Variants in MCTP2 observed in about 807,000 individuals in gnomAD.
The protein encoded by MCTP2 is multiple C2 and transmembrane domain containing 2, also known as multiple C2 and transmembrane domain-containing protein 2.
A neutral mutation model predicts 111.6 loss-of-function variants in MCTP2; 132 were observed. The ratio of observed to expected loss-of-function variants is 1.18; its 90% CI spans 1.03 to 1.37. The LOEUF (loss-of-function observed/expected upper bound fraction) is 1.37. Among genes scored for constraint, MCTP2 ranks in the 40% most tolerant of loss-of-function variants. The pLI, the probability that MCTP2 is intolerant of heterozygous loss-of-function variation, is 0.00. For synonymous variants in MCTP2, 395 were observed against 387.7 expected (o/e 1.02, Z -0.22); for missense variants, 1,183 against 1,067.9 (o/e 1.11, Z -1.50).
At chr15:94,318,923 T>C (rs1302339425) in intron 4 of MCTP2, among the ~76,000 whole-genome samples, 1 of 152,216 alleles carries the variant, frequency 6.6e-6, no homozygotes, top group Admixed American at 6.5e-5. Flanking sequence ...AATTTGGCTT[T>C]TATTTTGTGC....
chr15:94,246,914 A>T (rs1319968897), intron 1 of MCTP2, among the ~76,000 whole-genome samples: 4 of 152,192 alleles, frequency 2.6e-5, no homozygotes, highest in Non-Finnish European at 5.9e-5. Flanking sequence ...CTGTAATGGA[A>T]TGCCTTATAA....
At chr15:94,470,950 G>A (rs2073876633) in intron 21 of MCTP2, among the ~76,000 whole-genome samples, 1 of 152,182 alleles carries the variant, frequency 6.6e-6, no homozygotes, top group Admixed American at 6.5e-5. Context: ...TACCTAACCA[G>A]TGCCTGAACA....
rs35546226 is a variant in MCTP2, at chr15:94,264,961, A to AT, written c.-65-33230dup. ...ATTCTCACTATCTTTTAAATAAAGG[A>AT]TTTTTTTTTTCAGGGAGCACACATC... is the stretch of plus-strand genomic sequence containing the variant. On this transcript the variant is annotated intron_variant, in intron 1 of 22. Transcript: ENST00000357742. Among the ~76,000 whole-genome samples the AT allele has an allele frequency of 7.0e-4, 106 of 150,828 alleles. 1 individual carries two copies. Among genetic ancestry groups the AT allele is most frequent in the East Asian group, 1.8e-3 (9 of 5,136 alleles).
At chr15:94,319,630 A>G (rs1458528977) in intron 4 of MCTP2, among the ~76,000 whole-genome samples, 1 of 152,214 alleles carries the variant, frequency 6.6e-6, no homozygotes, top group Non-Finnish European at 1.5e-5. Context: ...GCACATGAGA[A>G]GAAACCCATG....
At chr15:94,451,864 A>G (rs1271308852) in intron 19 of MCTP2, among the ~76,000 whole-genome samples, 1 of 152,194 alleles carries the variant, frequency 6.6e-6, no homozygotes, top group African/African-American at 2.4e-5. Flanking sequence ...TAAACTAGAC[A>G]AAAGGTTGTT....
intron 1 of MCTP2, among the ~76,000 whole-genome samples, chr15:94,290,091 A>T (rs1479850856): frequency 2.6e-5 from 4 of 152,126 alleles, no homozygotes; most frequent in East Asian, 3.8e-4. Flanking sequence ...TGAAAATTTT[A>T]AAAAATGGAA....
intron 2 of MCTP2, among the ~76,000 whole-genome samples, chr15:94,308,573 T>G (rs1403367046): frequency 1.3e-5 from 2 of 152,210 alleles, no homozygotes; most frequent in Non-Finnish European, 2.9e-5. Flanking sequence ...AATTTTACAT[T>G]AGAAAGTGCT....
At chr15:94,313,095 G>A (rs1047249130) in intron 2 of MCTP2, among the ~76,000 whole-genome samples, 1 of 152,144 alleles carries the variant, frequency 6.6e-6, no homozygotes, top group Non-Finnish European at 1.5e-5. Flanking sequence ...AAGTTATCCA[G>A]TCGTCTTTGG....
At chr15:94,367,499 G>C (rs1194571168) in intron 10 of MCTP2, 106 bp from the exon 11 acceptor site, 2 of 854,728 alleles carry the variant, frequency 2.3e-6, no homozygotes, top group African/African-American at 1.8e-5. Context: ...AGACCAGACA[G>C]AGTGAGTTTT....
At chr15:94,248,546 C>T (rs115111077) in intron 1 of MCTP2, among the ~76,000 whole-genome samples, 2,427 of 152,278 alleles carry the variant, frequency 0.016, 56 homozygotes, top group African/African-American at 0.054. Flanking sequence ...TTTCCTTTGA[C>T]GCTTAAAATA....
intron 17 of MCTP2, among the ~76,000 whole-genome samples, chr15:94,408,995 T>C (rs1479944022): frequency 6.6e-6 from 1 of 152,226 alleles, no homozygotes. Flanking sequence ...TCTCTGAATT[T>C]TCTTTTCAGG....
chr15:94,414,941 A>G (rs1191623292), intron 17 of MCTP2, among the ~76,000 whole-genome samples: 1 of 152,158 alleles, frequency 6.6e-6, no homozygotes. Context: ...AAGATACAGG[A>G]AGTGCTGCAG....
intron 1 of MCTP2, among the ~76,000 whole-genome samples, chr15:94,265,707 A>G (rs989385495): frequency 3.3e-5 from 5 of 152,202 alleles, no homozygotes; most frequent in African/African-American, 1.2e-4. Context: ...GGTAAATTGT[A>G]TATTATATAA....
At chr15:94,441,365 C>T (rs1431675968) in intron 18 of MCTP2, among the ~76,000 whole-genome samples, 1 of 152,132 alleles carries the variant, frequency 6.6e-6, no homozygotes, top group African/African-American at 2.4e-5. Flanking sequence ...TTAATAGATC[C>T]ATTTAAGGAC....
intron 1 of MCTP2, among the ~76,000 whole-genome samples, chr15:94,276,784 A>G (rs2074233119): frequency 2.0e-5 from 3 of 151,164 alleles, no homozygotes; most frequent in Admixed American, 2.0e-4. Flanking sequence ...GATGCAGGAA[A>G]AAAATCTTTT....
rs1484749166 is a variant in MCTP2 at position 94,479,581 on chromosome 15, T to C, written c.*547T>C. ...TAATTACCAGAATTAGCTCAAACCTTTAGGGATCTTTCAGCCATGATTATT... is the reference window on the plus strand; with the variant it reads ...TAATTACCAGAATTAGCTCAAACCTCTAGGGATCTTTCAGCCATGATTATT... On this transcript the variant is annotated 3_prime_UTR_variant, in exon 23 of 23. Transcript: ENST00000357742. 1.3e-5 allele frequency: 2 copies of C among 153,040 alleles called. No homozygotes were observed. Among genetic ancestry groups the C allele is most frequent in the Admixed American group, 6.5e-5 (1 of 15,472 alleles). The allele number at this position is 153,040 out of a possible 1,614,324, so 9.5% of individuals were successfully genotyped here.
intron 1 of MCTP2, among the ~76,000 whole-genome samples, chr15:94,236,053 A>C (rs1451580744): frequency 2.0e-5 from 3 of 152,194 alleles, no homozygotes; most frequent in Non-Finnish European, 1.5e-5. Flanking sequence ...ATTCCATATA[A>C]ATGATTACAT....
rs561432324 is a variant in MCTP2, at chr15:94,458,236, AG to A, written c.2352del (p.Ile785LeufsTer18). 1 of 1,591,080 alleles carries A rather than the reference AG, an allele frequency of 6.3e-7. No homozygotes were observed. Among genetic ancestry groups the A allele is most frequent in the Non-Finnish European group, 8.6e-7 (1 of 1,159,036 alleles). Reference sequence around the variant, plus strand: ...GGAGGAAATAGCTTCTTTTGGAGAAAGGATTAAGAAGTAAGTTCTAAATTTG... The same window carrying A: ...GGAGGAAATAGCTTCTTTTGGAGAAAGATTAAGAAGTAAGTTCTAAATTTG... ...VLEEIASFGE[R>X]IKNTFNWTVP... On this transcript the variant is annotated frameshift_variant, in exon 20 of 23. Coordinates refer to ENST00000357742, the MANE Select transcript of MCTP2 (RefSeq NM_001385001.1). LOFTEE classifies it high-confidence loss of function.
intron 17 of MCTP2, among the ~76,000 whole-genome samples, chr15:94,413,535 T>C (rs2082247235): frequency 6.6e-6 from 1 of 151,356 alleles, no homozygotes; most frequent in African/African-American, 2.4e-5. Context: ...CCTTTGCTCT[T>C]GGGTGTGACA....
Sources: gnomAD v4.1 joint callset for allele counts (sites outside exome capture counted in the v4.1 genomes callset) on GRCh38, gnomAD v4.1.1 for gene constraint, MANE v1.5 for transcripts, NCBI Gene and HGNC (gene_info 2026-07-23, HGNC 2026-07-21) for gene names.